The following MROH9 variants were observed in gnomAD, a reference collection of about 807,000 sequenced individuals.
MROH9 encodes the protein maestro heat like repeat family member 9, also known as maestro heat-like repeat-containing protein family member 9.
Under a neutral mutation model 98.2 loss-of-function variants are expected in MROH9, and 92 were observed. That is an observed-to-expected ratio of 0.94 (90% CI 0.79 to 1.11). MROH9 has a LOEUF of 1.11. Among genes scored for constraint, MROH9 ranks in the 50% most tolerant of loss-of-function variants. The pLI is 0.00. For missense variants in MROH9, 1,057 were observed against 1,014.8 expected (o/e 1.04, Z -0.57); for synonymous variants, 397 against 368.9 (o/e 1.08, Z -0.87).
chr1:170,964,076 T>C (rs1461020360), intron 6 of MROH9, among the ~76,000 whole-genome samples: 1 of 152,140 alleles, frequency 6.6e-6, no homozygotes, highest in Non-Finnish European at 1.5e-5. Context: ...GAGTTAAGCA[T>C]TGACTCCATG....
intron 17 of MROH9, among the ~76,000 whole-genome samples, chr1:171,020,416 T>A (rs1652478877): frequency 6.6e-6 from 1 of 152,160 alleles, no homozygotes; most frequent in Admixed American, 6.6e-5. Context: ...TTATCCACCA[T>A]GATCAGGTCA....
intron 15 of MROH9, among the ~76,000 whole-genome samples, chr1:171,010,536 T>C (rs1453037685): frequency 6.6e-6 from 1 of 152,186 alleles, no homozygotes; most frequent in African/African-American, 2.4e-5. Flanking sequence ...GTTGAACTAA[T>C]TTATACTCCC....
In MROH9 at chr1:170,959,506, TAG is replaced by T; in HGVS notation, c.200_201del (p.Glu67ValfsTer13). 1 of 1,613,618 alleles carries T rather than the reference TAG, an allele frequency of 6.2e-7. No homozygotes were observed. The highest frequency in any genetic ancestry group is 1.1e-5 in the South Asian group (1 of 90,886). The stretch of plus-strand genomic sequence containing the variant: ...CAGTTTGAATCTCAGTTGAAGATAA[TAG>T]AGTCATCCTTTGGAATGCTAGTTGT... On this transcript the variant is annotated frameshift_variant, in exon 5 of 22. Coordinates refer to ENST00000367759, the MANE Select transcript of MROH9 (RefSeq NM_001163629.2). LOFTEE classifies it high-confidence loss of function.
chr1:171,022,455 G>C (rs1047843032), intron 17 of MROH9, among the ~76,000 whole-genome samples: 5 of 152,154 alleles, frequency 3.3e-5, no homozygotes, highest in Admixed American at 1.3e-4. Context: ...GCAGGGACAT[G>C]GATGAAGCTG....
intron 1 of MROH9, among the ~76,000 whole-genome samples, chr1:170,941,088 C>T (rs1204236205): frequency 6.6e-6 from 1 of 152,192 alleles, no homozygotes; most frequent in Non-Finnish European, 1.5e-5. Context: ...CCATTGATCT[C>T]CTGACCTCCC....
At chr1:171,031,009 T>A (rs566488853) in intron 20 of MROH9, among the ~76,000 whole-genome samples, 1 of 152,342 alleles carries the variant, frequency 6.6e-6, no homozygotes, top group Admixed American at 6.5e-5. Flanking sequence ...GCTCTTCTTG[T>A]TGAATTGTTC....
intron 20 of MROH9, among the ~76,000 whole-genome samples, chr1:171,033,831 A>G (rs1018006264): frequency 6.6e-6 from 1 of 152,218 alleles, no homozygotes; most frequent in African/African-American, 2.4e-5. Flanking sequence ...TCCCTGAAGA[A>G]GAGAAATGAA....
At chr1:170,976,579 T>C (rs146042287) in intron 8 of MROH9, among the ~76,000 whole-genome samples, 1 of 152,122 alleles carries the variant, frequency 6.6e-6, no homozygotes, top group African/African-American at 2.4e-5. Flanking sequence ...AAACCTCGTC[T>C]CTAATAAAAA....
intron 20 of MROH9, among the ~76,000 whole-genome samples, chr1:171,035,639 GGACA>G (rs1363021032): frequency 3.3e-5 from 5 of 151,890 alleles, no homozygotes; most frequent in African/African-American, 7.3e-5. Context: ...TTTCAGAAAA[GGACA>G]GACAAATTAC....
intron 20 of MROH9, among the ~76,000 whole-genome samples, chr1:171,031,814 A>G (rs1652923634): frequency 6.6e-6 from 1 of 152,088 alleles, no homozygotes; most frequent in Non-Finnish European, 1.5e-5. Context: ...CTGAATTTGC[A>G]TGTTGGCCTG....
Position 170,971,901 on chromosome 1 carries a change from T to A in MROH9, c.616+18T>A. 3 of 1,611,338 alleles carry A rather than the reference T, an allele frequency of 1.9e-6. No homozygotes were observed. Among genetic ancestry groups the A allele is most frequent in the Admixed American group, 1.7e-5 (1 of 59,968 alleles). On this transcript the variant is annotated intron_variant, in intron 8 of 21. Coordinates refer to ENST00000367759, the MANE Select transcript of MROH9 (RefSeq NM_001163629.2). ...TCAGAACGGTAAGAACAGTTCACCA[T>A]CTTTTCTCAGGATTACTAAGAATAT...
rs2101888991 is a variant in MROH9, at chr1:170,958,475, C to T, written c.87C>T (p.Asn29=). 4 of 1,539,128 alleles carry T rather than the reference C, an allele frequency of 2.6e-6. No homozygotes were observed. The highest frequency in any genetic ancestry group is 1.2e-5 in the South Asian group (1 of 85,036). The change falls in exon 4 of 22, where the codon AAC becomes AAT. Residue 29 remains asparagine, a synonymous_variant. Coordinates refer to ENST00000367759, the MANE Select transcript of MROH9 (RefSeq NM_001163629.2). ...VKWHHMAHKV[N]SLLDAYSGLL... ...ATGGTACTTAGGCACATAAAGTTAA[C>T]AGCCTATTGGATGCATACTCAGGCC...
chr1:171,026,391 C>T (rs1466743390), intron 20 of MROH9, among the ~76,000 whole-genome samples: 1 of 152,006 alleles, frequency 6.6e-6, no homozygotes, highest in Non-Finnish European at 1.5e-5. Flanking sequence ...TCTCCTGCTT[C>T]AGCCTCTAGA....
At chr1:171,040,625 C>T (rs1464876012) in intron 20 of MROH9, among the ~76,000 whole-genome samples, 1 of 152,064 alleles carries the variant, frequency 6.6e-6, no homozygotes, top group East Asian at 1.9e-4. Flanking sequence ...CACCCTCTAG[C>T]CATGTGACCT....
chr1:170,995,555 G>T (rs1651536838), intron 13 of MROH9, 24 bp downstream of exon 13: 1 of 1,610,562 alleles, frequency 6.2e-7, no homozygotes, highest in Non-Finnish European at 8.5e-7. Context: ...GGTTATTTCA[G>T]ATTAAATAAG....
At chr1:170,970,266 A>C (rs1650391217) in intron 7 of MROH9, among the ~76,000 whole-genome samples, 2 of 152,178 alleles carry the variant, frequency 1.3e-5, no homozygotes, top group Non-Finnish European at 2.9e-5. Context: ...AGTGGTGCTC[A>C]GCTTCAGTGA....
intron 15 of MROH9, among the ~76,000 whole-genome samples, chr1:171,005,631 G>T (rs1651929178): frequency 6.6e-6 from 1 of 152,032 alleles, no homozygotes; most frequent in Non-Finnish European, 1.5e-5. Context: ...TTTGTATTCT[G>T]CAGCTTTACT....
chr1:171,037,286 A>T (rs2101854533), intron 20 of MROH9, among the ~76,000 whole-genome samples: 1 of 151,792 alleles, frequency 6.6e-6, no homozygotes, highest in East Asian at 1.9e-4. Flanking sequence ...GAGAAAAAGA[A>T]AGAAGGAAGG....
chr1:171,005,752 A>G (rs1557895019), intron 15 of MROH9, among the ~76,000 whole-genome samples: 2 of 152,136 alleles, frequency 1.3e-5, no homozygotes, highest in African/African-American at 4.8e-5. Context: ...TCTGATTTGA[A>G]TGACTTGTGT....
Sources: gnomAD v4.1 joint callset for allele counts (sites outside exome capture counted in the v4.1 genomes callset) on GRCh38, gnomAD v4.1.1 for gene constraint, MANE v1.5 for transcripts, NCBI Gene and HGNC (gene_info 2026-07-23, HGNC 2026-07-21) for gene names.